The following CD99L2 variants were observed in gnomAD, a reference collection of about 807,000 sequenced individuals.
CD99L2 encodes the protein CD99 antigen-like protein 2.
A neutral mutation model predicts 27.3 loss-of-function variants in CD99L2; 24 were observed. The ratio of observed to expected loss-of-function variants is 0.88; its 90% CI spans 0.64 to 1.24. The LOEUF is 1.24. Ranked by LOEUF, CD99L2 falls within the 50% of genes most tolerant of loss-of-function variation. CD99L2 has a pLI of 0.00. For missense variants in CD99L2, 255 were observed against 221.6 expected (o/e 1.15, Z -0.96); for synonymous variants, 97 against 87.9 (o/e 1.10, Z -0.58).
At chrX:150,778,673 TAAAAA>T (rs1195688468) in intron 7 of CD99L2, among the ~76,000 whole-genome samples, 157 of 67,925 alleles carry the variant, frequency 2.3e-3, no homozygotes, top group African/African-American at 7.3e-3. Context: ...TAAAGTATAA[TAAAAA>T]AAAAAAAATA....
At chrX:150,848,187 CT>C (rs1323560349) in intron 1 of CD99L2, among the ~76,000 whole-genome samples, 2 of 107,699 alleles carry the variant, frequency 1.9e-5, no homozygotes, top group Non-Finnish European at 3.8e-5. Flanking sequence ...TGTGTGTCCA[CT>C]GTGAAAATCT....
At chrX:150,809,752 C>T (rs1219788387) in intron 4 of CD99L2, among the ~76,000 whole-genome samples, 1 of 111,634 alleles carries the variant, frequency 9.0e-6, no homozygotes, top group Non-Finnish European at 1.9e-5. Context: ...CAATAACTTG[C>T]CAATTTTGAT....
At chrX:150,773,951 C>A (rs782735244) in intron 9 of CD99L2, among the ~76,000 whole-genome samples, 4 of 111,520 alleles carry the variant, frequency 3.6e-5, no homozygotes, top group African/African-American at 1.3e-4. Context: ...TCCTTGCCAC[C>A]CCAGCCACCT....
chrX:150,795,111 G>T, intron 6 of CD99L2, 95 bp downstream of exon 6: 1 of 1,002,899 alleles, frequency 1.0e-6, no homozygotes, highest in Non-Finnish European at 1.4e-6. Flanking sequence ...TTCTCCAGTG[G>T]CTTGAAGTGC....
intron 5 of CD99L2, 30 bp from the exon 6 acceptor site, chrX:150,795,319 C>T (rs1557419868): frequency 8.3e-7 from 1 of 1,207,038 alleles, no homozygotes; most frequent in African/African-American, 1.7e-5. Flanking sequence ...AAAAGAAATA[C>T]TCAATTAGTT....
intron 4 of CD99L2, among the ~76,000 whole-genome samples, chrX:150,805,990 A>G (rs1459085537): frequency 1.8e-5 from 2 of 111,680 alleles, no homozygotes; most frequent in African/African-American, 6.5e-5. Flanking sequence ...AGATACACAT[A>G]CCCACACAAG....
intron 1 of CD99L2, among the ~76,000 whole-genome samples, chrX:150,837,617 C>T (rs1557421246): frequency 1.8e-5 from 2 of 112,090 alleles, no homozygotes; most frequent in Non-Finnish European, 3.8e-5. Flanking sequence ...TGAAAGAGCT[C>T]CCAGTGGCTA....
chrX:150,884,962 A>G (rs1557422583), intron 1 of CD99L2, among the ~76,000 whole-genome samples: 1 of 112,564 alleles, frequency 8.9e-6, no homozygotes. Context: ...AATGAACTAC[A>G]GTGACACACA....
intron 1 of CD99L2, among the ~76,000 whole-genome samples, chrX:150,892,561 G>A (rs1261336935): frequency 2.2e-5 from 2 of 89,613 alleles, no homozygotes; most frequent in Non-Finnish European, 2.1e-5. Context: ...AGCCGAGATC[G>A]CGCCACTGCA....
At chrX:150,781,991 G>C (rs1337689875) in intron 7 of CD99L2, among the ~76,000 whole-genome samples, 4 of 111,967 alleles carry the variant, frequency 3.6e-5, no homozygotes, top group Non-Finnish European at 7.5e-5. Flanking sequence ...GCACCACACG[G>C]AGCTGCCCTT....
At chrX:150,877,282 A>T (rs1014382979) in intron 1 of CD99L2, among the ~76,000 whole-genome samples, 1 of 111,853 alleles carries the variant, frequency 8.9e-6, no homozygotes, top group Non-Finnish European at 1.9e-5. Flanking sequence ...CTGATTTTTT[A>T]AAAAGACAAA....
intron 1 of CD99L2, among the ~76,000 whole-genome samples, chrX:150,862,886 G>GAAAGGAAAGA: frequency 9.2e-6 from 1 of 108,705 alleles, no homozygotes; most frequent in Non-Finnish European, 1.9e-5. Flanking sequence ...GAAAAAGAAA[G>GAAAGGAAAGA]AAAGAAAAGA....
At chrX:150,784,144 C>G (rs904885746) in intron 7 of CD99L2, among the ~76,000 whole-genome samples, 6 of 110,769 alleles carry the variant, frequency 5.4e-5, no homozygotes, top group Admixed American at 3.8e-4. Context: ...CAGCAAATGG[C>G]CTCTTTCCCC....
intron 1 of CD99L2, among the ~76,000 whole-genome samples, chrX:150,881,815 ATT>A (rs59133869): frequency 1.6e-4 from 14 of 89,347 alleles, no homozygotes; most frequent in East Asian, 1.0e-3. Flanking sequence ...ACTCTTTCCA[ATT>A]TTTTTTTTTT....
intron 1 of CD99L2, among the ~76,000 whole-genome samples, chrX:150,896,926 C>T (rs782156191): frequency 1.8e-5 from 2 of 112,512 alleles, no homozygotes; most frequent in African/African-American, 3.2e-5. Flanking sequence ...GTCTCCTCTA[C>T]CACCTCTTAA....
intron 7 of CD99L2, among the ~76,000 whole-genome samples, chrX:150,778,680 A>AT (rs1569565876): frequency 1.4e-3 from 31 of 22,731 alleles, no homozygotes; most frequent in African/African-American, 2.9e-3. Flanking sequence ...TAATAAAAAA[A>AT]AAAAAATATA....
At chrX:150,805,323 G>T (rs1395571827) in intron 4 of CD99L2, among the ~76,000 whole-genome samples, 1 of 111,478 alleles carries the variant, frequency 9.0e-6, no homozygotes, top group African/African-American at 3.3e-5. Flanking sequence ...CAGGGGCTGG[G>T]GTGGGGAGTA....
intron 7 of CD99L2, among the ~76,000 whole-genome samples, chrX:150,778,298 C>T (rs782488776): frequency 2.7e-5 from 3 of 110,313 alleles, no homozygotes; most frequent in Non-Finnish European, 3.8e-5. Context: ...TTCTCAGGGC[C>T]GAACACTCAT....
At chrX:150,824,192 GAAGAA>G (rs1569565999) in intron 2 of CD99L2, among the ~76,000 whole-genome samples, 11 of 71,674 alleles carry the variant, frequency 1.5e-4, no homozygotes, top group African/African-American at 3.6e-4. Flanking sequence ...GGAGGAGGAA[GAAGAA>G]GAGGAGGAGG....
Sources: allele counts gnomAD v4.1 joint callset (sites outside exome capture counted in the v4.1 genomes callset), GRCh38; gene constraint gnomAD v4.1.1; transcripts MANE v1.5; gene names NCBI Gene and HGNC (gene_info 2026-07-23, HGNC 2026-07-21).